Variants in RPS6KC1 observed in about 807,000 individuals in gnomAD.
The protein encoded by RPS6KC1 is ribosomal protein S6 kinase C1.
Under a neutral mutation model 103.8 loss-of-function variants are expected in RPS6KC1, and 54 were observed. That is an observed-to-expected ratio of 0.52 (90% confidence interval 0.42 to 0.65). The LOEUF (loss-of-function observed/expected upper bound fraction) is 0.65. Ranked by LOEUF, RPS6KC1 falls within the 30% of genes least tolerant of loss-of-function variation. The probability of loss-of-function intolerance (pLI) is 0.00; values close to 1 mark genes in which losing one functional copy is unlikely to be tolerated. For missense variants in RPS6KC1, 1,151 were observed against 1,253.8 expected, an observed-to-expected ratio of 0.92 and a Z score of 1.24; for synonymous variants, 439 against 438.7, an observed-to-expected ratio of 1.00 and a Z score of -0.01.
At chr1:213,777,657 G>T in the RPS6KC1 span, among the ~76,000 whole-genome samples, 67 of 152,164 alleles carry the variant, frequency 4.4e-4, 1 homozygote, top group East Asian at 9.9e-3. Flanking sequence ...CCCAAAATCC[G>T]CAATGTCTGC....
chr1:213,671,621 T>C, the RPS6KC1 span, among the ~76,000 whole-genome samples: 6 of 152,270 alleles, frequency 3.9e-5, no homozygotes, highest in East Asian at 1.2e-3. Context: ...CCATCTCTAC[T>C]AAAAATACAA....
At chr1:213,602,124 T>TTCTTTC in the RPS6KC1 span, among the ~76,000 whole-genome samples, 2 of 41,038 alleles carry the variant, frequency 4.9e-5, no homozygotes, top group East Asian at 7.4e-4. Flanking sequence ...TTCTTTCTCT[T>TTCTTTC]TCTTTCTTTC....
chr1:213,321,091 T>C, the RPS6KC1 span, among the ~76,000 whole-genome samples: 2 of 152,206 alleles, frequency 1.3e-5, no homozygotes, highest in African/African-American at 4.8e-5. Context: ...CAGGTGATAT[T>C]AGAATTTCTT....
the RPS6KC1 span, among the ~76,000 whole-genome samples, chr1:213,381,072 C>A: frequency 1.3e-5 from 2 of 152,278 alleles, 1 homozygote; most frequent in African/African-American, 4.8e-5. Flanking sequence ...ACGATTGGCG[C>A]TCGGAACAGT....
At chr1:213,171,507 A>G (rs990148248) in intron 7 of RPS6KC1, among the ~76,000 whole-genome samples, 14 of 152,346 alleles carry the variant, frequency 9.2e-5, no homozygotes, top group Admixed American at 7.8e-4. Context: ...AAGACAATAA[A>G]TGATCTAAAT....
At chr1:213,191,171 A>G (rs554438277) in intron 8 of RPS6KC1, among the ~76,000 whole-genome samples, 38 of 152,156 alleles carry the variant, frequency 2.5e-4, no homozygotes, top group South Asian at 1.5e-3. Context: ...TGCCTTTTCT[A>G]TTTCTGTGAG....
the RPS6KC1 span, among the ~76,000 whole-genome samples, chr1:213,466,954 T>A: frequency 4.8e-3 from 736 of 152,084 alleles, 5 homozygotes; most frequent in African/African-American, 0.016. Context: ...TTGGCAGGCA[T>A]AAGAGCCTTA....
chr1:213,821,708 C>T, the RPS6KC1 span: 4 of 152,318 alleles, frequency 2.6e-5, no homozygotes, highest in Non-Finnish European at 5.9e-5. Context: ...TCACCATCTA[C>T]TTTTCCAGCT....
At chr1:213,717,613 T>A in the RPS6KC1 span, among the ~76,000 whole-genome samples, 1 of 152,314 alleles carries the variant, frequency 6.6e-6, no homozygotes, top group South Asian at 2.1e-4. Flanking sequence ...AGACTTCATC[T>A]TCTGAGTCAT....
Position 213,176,426 on chromosome 1 carries a change from C to A in RPS6KC1, c.978C>A (p.Pro326=), listed in dbSNP as rs747112782. ...SQPPGSLSSR[P]LWNLRSPAEE... The stretch of plus-strand genomic sequence containing the variant: ...CTCCAGGATCACTAAGTTCAAGGCC[C>A]CTTTGGAACCTAAGGAGCCCTGCCG... The change falls in exon 8 of 15, where the codon CCC becomes CCA. Residue 326 remains proline (P), a synonymous_variant. Coordinates refer to ENST00000366960, the MANE Select transcript of RPS6KC1 (RefSeq NM_012424.6). The A allele has an allele frequency of 2.4e-5, 39 of 1,607,662 alleles. No individual in the cohort carries two copies. The highest frequency in any genetic ancestry group is 3.1e-5 in the Non-Finnish European group (36 of 1,175,422).
At chr1:213,379,233 C>T in the RPS6KC1 span, among the ~76,000 whole-genome samples, 1 of 152,128 alleles carries the variant, frequency 6.6e-6, no homozygotes, top group African/African-American at 2.4e-5. Flanking sequence ...ATGATGAAGT[C>T]CTAATCCCCG....
At chr1:213,811,729 AAG>A in the RPS6KC1 span, among the ~76,000 whole-genome samples, 9 of 152,198 alleles carry the variant, frequency 5.9e-5, no homozygotes, top group Non-Finnish European at 1.2e-4. Context: ...TCGGGTGTGT[AAG>A]AGAGTATGGC....
intron 12 of RPS6KC1, among the ~76,000 whole-genome samples, chr1:213,251,540 C>T (rs1246544409): frequency 6.6e-6 from 1 of 152,220 alleles, no homozygotes; most frequent in African/African-American, 2.4e-5. Flanking sequence ...CTGCCTTCAT[C>T]TCTTGCCTGG....
At chr1:213,490,353 T>A in the RPS6KC1 span, among the ~76,000 whole-genome samples, 1 of 152,098 alleles carries the variant, frequency 6.6e-6, no homozygotes, top group East Asian at 1.9e-4. Flanking sequence ...AGAGCTGAGG[T>A]GGGCTCTCAG....
At chr1:213,238,378 T>C (rs1270373425) in intron 10 of RPS6KC1, among the ~76,000 whole-genome samples, 1 of 152,018 alleles carries the variant, frequency 6.6e-6, no homozygotes, top group Non-Finnish European at 1.5e-5. Flanking sequence ...CTTTGTTGAG[T>C]AGGGGGAGAG....
At chr1:213,061,013 C>A (rs908433314) in intron 1 of RPS6KC1, among the ~76,000 whole-genome samples, 8 of 151,796 alleles carry the variant, frequency 5.3e-5, no homozygotes, top group Admixed American at 5.2e-4. Context: ...TGATGAGGGC[C>A]CGCTTCCTGA....
At chr1:213,106,228 T>C (rs552427970) in intron 4 of RPS6KC1, among the ~76,000 whole-genome samples, 1 of 152,058 alleles carries the variant, frequency 6.6e-6, no homozygotes, top group Non-Finnish European at 1.5e-5. Flanking sequence ...TATCTCTATT[T>C]AAATAGAGAT....
At chr1:213,742,073 G>T in the RPS6KC1 span, among the ~76,000 whole-genome samples, 3,538 of 152,206 alleles carry the variant, frequency 0.023, 132 homozygotes, top group African/African-American at 0.08. Flanking sequence ...GCCAGGAGGG[G>T]GTGGAGGAGA....
At chr1:213,805,494 A>C in the RPS6KC1 span, among the ~76,000 whole-genome samples, 1 of 152,216 alleles carries the variant, frequency 6.6e-6, no homozygotes, top group Non-Finnish European at 1.5e-5. Context: ...CATCCATAAG[A>C]AGCAACTCCT....
Sources: allele counts gnomAD v4.1 joint callset (sites outside exome capture counted in the v4.1 genomes callset), GRCh38; gene constraint gnomAD v4.1.1; transcripts MANE v1.5; gene names NCBI Gene and HGNC (gene_info 2026-07-23, HGNC 2026-07-21).